WASHC5: variants seen among roughly 807,000 people sequenced by gnomAD.
WASHC5 encodes the protein WASH complex subunit 5.
A neutral mutation model predicts 150.4 loss-of-function variants in WASHC5; 101 were observed. The ratio of observed to expected loss-of-function variants is 0.67; its 90% CI spans 0.57 to 0.79. WASHC5 has a LOEUF of 0.79. Among genes scored for constraint, WASHC5 ranks in the 30% least tolerant of loss-of-function variants. WASHC5 has a pLI of 0.00. For synonymous variants in WASHC5, 467 were observed against 491.2 expected, an observed-to-expected ratio of 0.95 and a Z score of 0.65; for missense variants, 1,195 against 1,396.3, an observed-to-expected ratio of 0.86 and a Z score of 2.30.
chr8:125,081,262 T>C (rs1373106623), intron 5 of WASHC5, among the ~76,000 whole-genome samples: 2 of 137,736 alleles, frequency 1.5e-5, no homozygotes, highest in Admixed American at 1.7e-4. Context: ...TTTTGAGACA[T>C]AGTCTCGCTC....
At position 125,083,228 on chromosome 8, in the gene WASHC5, C is replaced by T; in HGVS notation, c.217G>A (p.Ala73Thr). 1 of 1,612,898 alleles carries T rather than the reference C, an allele frequency of 6.2e-7. No individual in the cohort carries two copies. Among genetic ancestry groups the T allele is most frequent in the Non-Finnish European group, 8.5e-7 (1 of 1,179,236 alleles). ...GPELWESKLD[A>T]KPELQDLDEE... ...TCTAAATCCTGTAGCTCTGGCTTAG[C>T]ATCCAGTTTGCTTTCCCATAATTCT... is the stretch of plus-strand genomic sequence containing the variant. The change falls in exon 3 of 29, where the codon GCT becomes ACT. Residue 73 changes from alanine (A) to threonine (T), a missense_variant. Coordinates refer to ENST00000318410, the MANE Select transcript of WASHC5 (RefSeq NM_014846.4).
chr8:125,062,156 G>A (rs888925327), intron 11 of WASHC5, among the ~76,000 whole-genome samples: 1 of 152,156 alleles, frequency 6.6e-6, no homozygotes, highest in Non-Finnish European at 1.5e-5. Context: ...CGATGGAGTA[G>A]TAGAAAGAGC....
intron 9 of WASHC5, among the ~76,000 whole-genome samples, chr8:125,071,744 T>C (rs77514209): frequency 0.11 from 16,803 of 152,116 alleles, 2,170 homozygotes; most frequent in African/African-American, 0.31. Context: ...CGCTGCTGCT[T>C]TAACAATTAC....
chr8:125,058,705 A>G (rs1816492904), intron 14 of WASHC5, among the ~76,000 whole-genome samples: 1 of 151,354 alleles, frequency 6.6e-6, no homozygotes, highest in Non-Finnish European at 1.5e-5. Context: ...CCTGGGAAAC[A>G]AAGCGAGATT....
intron 14 of WASHC5, among the ~76,000 whole-genome samples, chr8:125,057,919 C>A (rs1196803526): frequency 6.6e-6 from 1 of 152,082 alleles, no homozygotes; most frequent in African/African-American, 2.4e-5. Context: ...GGGCTCCACT[C>A]CACACTGACT....
chr8:125,064,665 C>T (rs549055400), intron 10 of WASHC5, among the ~76,000 whole-genome samples: 34 of 151,868 alleles, frequency 2.2e-4, no homozygotes, highest in African/African-American at 6.8e-4. Flanking sequence ...CTAAAGGACA[C>T]GCCATCTCAG....
chr8:125,063,611 T>G lies in WASHC5; in HGVS notation c.1319A>C (p.Glu440Ala). The change falls in exon 11 of 29, where the codon GAG becomes GCG. Residue 440 changes from glutamate (E) to alanine (A), a missense_variant. Physicochemically the swap from Glu to Ala is moderately radical, Grantham distance 107 (BLOSUM62 -1). This residue lies in a region of WASHC5 where 997 missense variants were observed against 1,168.1 expected (regional missense o/e 0.85). Coordinates refer to ENST00000318410, the MANE Select transcript of WASHC5 (RefSeq NM_014846.4). ...QMLSEKQTKWEHYKKEGSERM... is the reference protein window; with the variant it reads ...QMLSEKQTKWAHYKKEGSERM... ...CTCCGAACCCTCTTTCTTGTAATGCTCCCATTTGGTTTGCTTTTCTGAAAG... is the reference window on the plus strand; with the variant it reads ...CTCCGAACCCTCTTTCTTGTAATGCGCCCATTTGGTTTGCTTTTCTGAAAG... 5 of 1,613,884 alleles carry G rather than the reference T, an allele frequency of 3.1e-6. No homozygotes were observed. Among genetic ancestry groups the G allele is most frequent in the Non-Finnish European group, 4.2e-6 (5 of 1,179,796 alleles).
intron 17 of WASHC5, among the ~76,000 whole-genome samples, chr8:125,054,188 A>G (rs1195343801): frequency 1.3e-5 from 2 of 152,230 alleles, no homozygotes; most frequent in African/African-American, 4.8e-5. Context: ...TGTCTGTCCC[A>G]AGCTGGATGG....
chr8:125,038,760 G>T, intron 25 of WASHC5, 70 bp downstream of exon 25: 1 of 1,581,302 alleles, frequency 6.3e-7, no homozygotes, highest in Non-Finnish European at 8.7e-7. Flanking sequence ...TTTCTGCACA[G>T]TAATCTGTTA....
chr8:125,076,125 C>T (rs528529639), intron 7 of WASHC5, among the ~76,000 whole-genome samples: 1 of 152,062 alleles, frequency 6.6e-6, no homozygotes, highest in Non-Finnish European at 1.5e-5. Context: ...TTGAGAGTAT[C>T]CATTTTAGAA....
intron 17 of WASHC5, among the ~76,000 whole-genome samples, chr8:125,052,304 A>G (rs1017872674): frequency 9.9e-5 from 15 of 152,144 alleles, no homozygotes; most frequent in African/African-American, 2.9e-4. Context: ...GGCTCTTCTA[A>G]TCCTTCCCGC....
At chr8:125,056,607 C>T in intron 16 of WASHC5, 70 bp downstream of exon 16, 1 of 1,572,098 alleles carries the variant, frequency 6.4e-7, no homozygotes, top group Non-Finnish European at 8.8e-7. Context: ...TGGCAGGTGA[C>T]ACAGGCCTGT....
chr8:125,083,210 C>T lies in WASHC5; in HGVS notation c.235G>A (p.Asp79Asn). 1 of 1,612,524 alleles carries T rather than the reference C, an allele frequency of 6.2e-7. No individual in the cohort carries two copies. Among genetic ancestry groups the T allele is most frequent in the Non-Finnish European group, 8.5e-7 (1 of 1,178,856 alleles). Residue 79 changes from aspartate (D) to asparagine (N), a missense_variant, in exon 3 of 29, where the codon GAT becomes AAT. Physicochemically the swap from Asp to Asn is conservative, Grantham distance 23. Around this residue, in one of 3 missense-constraint regions of WASHC5, gnomAD observed 195 missense variants for 206.9 expected, o/e 0.94. Coordinates refer to ENST00000318410, the MANE Select transcript of WASHC5 (RefSeq NM_014846.4). ...SKLDAKPELQ[D>N]LDEEFRENNI... ...TTTTCACGAAATTCTTCATCTAAAT[C>T]CTGTAGCTCTGGCTTAGCATCCAGT...
At chr8:125,051,040 A>G (rs1816224008) in intron 17 of WASHC5, among the ~76,000 whole-genome samples, 1 of 152,136 alleles carries the variant, frequency 6.6e-6, no homozygotes, top group Non-Finnish European at 1.5e-5. Flanking sequence ...AGGATGAAGG[A>G]CCTATGACTG....
Position 125,080,789 on chromosome 8 carries a change from T to C in WASHC5, c.518+872A>G, listed in dbSNP as rs184268575. Among the ~76,000 whole-genome samples, 561 of 152,350 alleles carry C rather than the reference T, an allele frequency of 3.7e-3. 1 individual carries two copies. Among genetic ancestry groups the C allele is most frequent in the South Asian group, 0.011 (51 of 4,832 alleles). On this transcript the variant is annotated intron_variant, in intron 5 of 28. Coordinates refer to ENST00000318410, the MANE Select transcript of WASHC5 (RefSeq NM_014846.4). The stretch of plus-strand genomic sequence containing the variant: ...CTTCCTGAAGAATCACAGTTCTGTA[T>C]AGATAAACACAACAAATGATTTGTG...
intron 23 of WASHC5, chr8:125,040,902 T>C (rs752935301): frequency 2.0e-5 from 3 of 152,204 alleles, no homozygotes; most frequent in Admixed American, 1.3e-4. Context: ...ATGGACACCA[T>C]TTCAGAATAA....
intron 5 of WASHC5, 108 bp downstream of exon 5, chr8:125,081,553 C>T: frequency 2.6e-6 from 2 of 781,540 alleles, no homozygotes; most frequent in East Asian, 4.9e-5. Flanking sequence ...CGTATACTTT[C>T]TTATCTATTC....
intron 28 of WASHC5, among the ~76,000 whole-genome samples, chr8:125,027,253 C>G (rs747244635): frequency 1.3e-5 from 2 of 152,290 alleles, no homozygotes; most frequent in African/African-American, 4.8e-5. Context: ...AGTTATGCAG[C>G]AATCCCACTA....
chr8:125,073,317 C>A lies in WASHC5; in HGVS notation c.986G>T (p.Arg329Ile). 2 of 1,613,516 alleles carry A rather than the reference C, an allele frequency of 1.2e-6. No homozygotes were observed. The highest frequency in any genetic ancestry group is 1.7e-6 in the Non-Finnish European group (2 of 1,179,480). ...CACTCTTTCACTGACAGTAGCATAT[C>A]TGCTTGCCTTGACAAATAAGAAACT... Reference protein sequence around the residue: ...DLSNVREQASRYATVSERVHA... With the variant: ...DLSNVREQASIYATVSERVHA... Residue 329 changes from arginine to isoleucine, a missense_variant, in exon 9 of 29, where the codon AGA becomes ATA. Physicochemically the swap from Arg to Ile is moderately conservative, Grantham distance 97. Around this residue, in one of 3 missense-constraint regions of WASHC5, gnomAD observed 997 missense variants for 1,168.1 expected, o/e 0.85. Coordinates refer to ENST00000318410, the MANE Select transcript of WASHC5 (RefSeq NM_014846.4).
Sources: gnomAD v4.1 joint callset for allele counts (sites outside exome capture counted in the v4.1 genomes callset) on GRCh38, gnomAD v4.1.1 for gene constraint, gnomAD v4.1.1 regional missense constraint, MANE v1.5 for transcripts, NCBI Gene and HGNC (gene_info 2026-07-23, HGNC 2026-07-21) for gene names.